Variants in TANGO6 observed in about 807,000 individuals in gnomAD.
TANGO6 encodes the protein transport and Golgi organization protein 6 homolog.
TANGO6 carries 90 observed loss-of-function variants against 114.2 expected under a neutral mutation model. That is an observed-to-expected ratio of 0.79 (90% CI 0.66 to 0.94). The LOEUF (loss-of-function observed/expected upper bound fraction) is 0.94. Ranked by LOEUF, TANGO6 falls within the 40% of genes least tolerant of loss-of-function variation. The pLI, the probability that TANGO6 is intolerant of heterozygous loss-of-function variation, is 0.00. For missense variants in TANGO6, 1,274 were observed against 1,315.3 expected, an observed-to-expected ratio of 0.97 and a Z score of 0.49; for synonymous variants, 477 against 509.8, an observed-to-expected ratio of 0.94 and a Z score of 0.87.
chr16:69,011,931 A>G (rs1964146679), intron 15 of TANGO6, among the ~76,000 whole-genome samples: 1 of 152,250 alleles, frequency 6.6e-6, no homozygotes, highest in African/African-American at 2.4e-5. Context: ...GAATTGATAT[A>G]GGCAAGTCAT....
chr16:68,999,809 T>C (rs1193667445), intron 15 of TANGO6, among the ~76,000 whole-genome samples: 6 of 152,248 alleles, frequency 3.9e-5, no homozygotes, highest in Non-Finnish European at 4.4e-5. Flanking sequence ...TTTTATTAGT[T>C]CAATCTATGC....
chr16:69,002,788 T>G (rs1964055543), intron 15 of TANGO6, among the ~76,000 whole-genome samples: 1 of 152,156 alleles, frequency 6.6e-6, no homozygotes, highest in Non-Finnish European at 1.5e-5. Context: ...ACACCTGTAA[T>G]CCCAGCACTT....
At chr16:69,002,496 G>A (rs1021898316) in intron 15 of TANGO6, among the ~76,000 whole-genome samples, 2 of 152,046 alleles carry the variant, frequency 1.3e-5, no homozygotes, top group African/African-American at 4.8e-5. Context: ...GTTCTCTTAA[G>A]ATCTGATGGT....
intron 1 of TANGO6, among the ~76,000 whole-genome samples, chr16:68,847,727 C>T (rs1399863201): frequency 3.3e-5 from 5 of 152,124 alleles, no homozygotes; most frequent in Admixed American, 2.0e-4. Flanking sequence ...AGGCTGAGCG[C>T]GGTAGCTCAC....
intron 11 of TANGO6, among the ~76,000 whole-genome samples, chr16:68,915,328 T>C (rs1962987402): frequency 6.6e-6 from 1 of 152,062 alleles, no homozygotes; most frequent in Non-Finnish European, 1.5e-5. Context: ...GTGCAATGGC[T>C]AAATCACAGC....
intron 14 of TANGO6, among the ~76,000 whole-genome samples, chr16:68,959,058 C>G (rs1963563420): frequency 6.6e-6 from 1 of 152,210 alleles, no homozygotes; most frequent in Non-Finnish European, 1.5e-5. Context: ...GGTTGGATAA[C>G]TCCCTGAAAT....
chr16:69,007,179 T>A (rs1369795092), intron 15 of TANGO6: 2 of 152,226 alleles, frequency 1.3e-5, no homozygotes, highest in Non-Finnish European at 2.9e-5. Context: ...TTCATCTGTG[T>A]TGTAGCATGT....
At chr16:68,974,982 T>TG (rs1364092321) in intron 15 of TANGO6, among the ~76,000 whole-genome samples, 2 of 151,886 alleles carry the variant, frequency 1.3e-5, no homozygotes, top group African/African-American at 4.8e-5. Flanking sequence ...CACCTGAGCC[T>TG]GGGAGGTCGA....
intron 10 of TANGO6, 90 bp from the exon 11 acceptor site, chr16:68,909,121 G>T: frequency 9.5e-7 from 1 of 1,053,930 alleles, no homozygotes; most frequent in Non-Finnish European, 1.2e-6. Flanking sequence ...ATTTAAACAT[G>T]CAGTTCAAAC....
Position 68,927,793 on chromosome 16 carries a change from G to C in TANGO6, c.2353G>C (p.Glu785Gln). The C allele has an allele frequency of 6.2e-7, 1 of 1,614,014 alleles. No individual in the cohort carries two copies. Among genetic ancestry groups the C allele is most frequent in the African/African-American group, 1.3e-5 (1 of 75,046 alleles). The change falls in exon 13 of 18, where the codon GAA becomes CAA. Residue 785 changes from glutamate (E) to glutamine (Q), a missense_variant. This residue lies in a region of TANGO6 where 908 missense variants were observed against 910.2 expected (regional missense o/e 1.00). Transcript: ENST00000261778. ...KIEEQQQTSH[E>Q]RPTDVAHSHL... ...AGAAGAGCAGCAACAAACCAGTCAT[G>C]AAAGACCCACTGATGTAGCTCATAG...
At chr16:68,946,357 A>G (rs1207506398) in intron 14 of TANGO6, among the ~76,000 whole-genome samples, 1 of 151,660 alleles carries the variant, frequency 6.6e-6, no homozygotes, top group Non-Finnish European at 1.5e-5. Flanking sequence ...ATGCCCGGCT[A>G]ATTTTTTTGT....
intron 14 of TANGO6, among the ~76,000 whole-genome samples, chr16:68,939,958 A>G (rs1441193180): frequency 2.0e-5 from 3 of 151,974 alleles, no homozygotes; most frequent in African/African-American, 4.8e-5. Context: ...TCAGGCATAA[A>G]CTGTGTAGCA....
chr16:68,942,500 A>C (rs768801488), intron 14 of TANGO6, among the ~76,000 whole-genome samples: 1 of 152,212 alleles, frequency 6.6e-6, no homozygotes, highest in Non-Finnish European at 1.5e-5. Flanking sequence ...TTCTAAAGGG[A>C]ATCTCATTTA....
chr16:68,934,748 G>T (rs1963283612), intron 14 of TANGO6, among the ~76,000 whole-genome samples: 1 of 152,244 alleles, frequency 6.6e-6, no homozygotes, highest in African/African-American at 2.4e-5. Flanking sequence ...GTTTTTCATT[G>T]ATTTATTTTT....
chr16:69,083,730 C>T lies in TANGO6; in HGVS notation c.*69C>T. The stretch of plus-strand genomic sequence containing the variant: ...CCAGAGCCGTGCCCAGGTCTTCCAG[C>T]AGGTGGCCCTGCTGCCTCTTGAGTG... On this transcript the variant is annotated 3_prime_UTR_variant, in exon 18 of 18. Transcript: ENST00000261778. 1 of 1,491,858 alleles carries T rather than the reference C, an allele frequency of 6.7e-7. No individual in the cohort carries two copies. Among genetic ancestry groups the T allele is most frequent in the Non-Finnish European group, 9.0e-7 (1 of 1,114,260 alleles). The allele number at this position is 1,491,858 out of a possible 1,614,324, so 92.4% of individuals were successfully genotyped here. A position where few individuals can be genotyped will look rare whatever the true frequency, so the allele number is the denominator to read the frequency against.
chr16:69,023,131 G>T lies in TANGO6; in HGVS notation c.2994+152G>T, dbSNP rs1203047736. Among the ~76,000 whole-genome samples, 11 of 152,026 alleles carry T rather than the reference G, an allele frequency of 7.2e-5. 1 individual carries two copies. The highest frequency in any genetic ancestry group is 2.4e-4 in the African/African-American group (10 of 41,388). ...CAAGTGAGCCATTGAACTTCCCAAG[G>T]CTTCATCTGTCTCACATGTATATTG... On this transcript the variant is annotated intron_variant, in intron 16 of 17. Coordinates refer to ENST00000261778, the MANE Select transcript of TANGO6 (RefSeq NM_024562.2).
intron 9 of TANGO6, 106 bp downstream of exon 9, chr16:68,902,610 T>G: frequency 9.5e-7 from 1 of 1,049,024 alleles, no homozygotes; most frequent in Non-Finnish European, 1.3e-6. Context: ...AACCAGAAAC[T>G]CAAGTGGCTC....
At chr16:68,938,213 C>T (rs1963318290) in intron 14 of TANGO6, among the ~76,000 whole-genome samples, 1 of 152,184 alleles carries the variant, frequency 6.6e-6, no homozygotes. Context: ...TTGGTGCATA[C>T]ATGCAGACCT....
intron 12 of TANGO6, among the ~76,000 whole-genome samples, chr16:68,924,406 G>C (rs1963140222): frequency 6.6e-6 from 1 of 151,876 alleles, no homozygotes; most frequent in South Asian, 2.1e-4. Context: ...AGAATTGCTT[G>C]AACCCAAGAG....
Sources: gnomAD v4.1 joint callset for allele counts (sites outside exome capture counted in the v4.1 genomes callset) on GRCh38, gnomAD v4.1.1 for gene constraint, gnomAD v4.1.1 regional missense constraint, MANE v1.5 for transcripts, NCBI Gene and HGNC (gene_info 2026-07-23, HGNC 2026-07-21) for gene names.